GSK3B: variants seen among roughly 807,000 people sequenced by gnomAD.
GSK3B encodes the protein glycogen synthase kinase 3 beta.
GSK3B carries 15 observed loss-of-function variants against 56.4 expected under a neutral mutation model. The ratio of observed to expected loss-of-function variants is 0.27; its 90% CI spans 0.18 to 0.41. The LOEUF is 0.41. Ranked by LOEUF, GSK3B falls within the 10% of genes least tolerant of loss-of-function variation. The probability of loss-of-function intolerance (pLI) is 1.00; values close to 1 mark genes in which losing one functional copy is unlikely to be tolerated. For missense variants in GSK3B, 300 were observed against 513.4 expected, an observed-to-expected ratio of 0.58 and a Z score of 4.02; for synonymous variants, 181 against 188.9, an observed-to-expected ratio of 0.96 and a Z score of 0.34.
intron 1 of GSK3B, among the ~76,000 whole-genome samples, chr3:120,052,099 G>A (rs2058155246): frequency 6.6e-6 from 1 of 152,146 alleles, no homozygotes; most frequent in Admixed American, 6.5e-5. Flanking sequence ...ATCTGTGGGT[G>A]TTAGAGAAGT....
chr3:120,078,373 A>G (rs1404668876), intron 1 of GSK3B, among the ~76,000 whole-genome samples: 1 of 152,174 alleles, frequency 6.6e-6, no homozygotes, highest in Non-Finnish European at 1.5e-5. Context: ...ACAGTGCCGG[A>G]AGACAATCTC....
chr3:119,890,367 C>CA (rs2056488142), intron 7 of GSK3B, among the ~76,000 whole-genome samples: 1 of 151,602 alleles, frequency 6.6e-6, no homozygotes, highest in Admixed American at 6.6e-5. Context: ...TGGTACTGAG[C>CA]AAAAAAAGCC....
At chr3:120,048,956 C>G (rs1007840152) in intron 1 of GSK3B, among the ~76,000 whole-genome samples, 4 of 152,086 alleles carry the variant, frequency 2.6e-5, no homozygotes, top group Admixed American at 2.6e-4. Context: ...AATCAAATTC[C>G]CAAGTACAGA....
intron 10 of GSK3B, among the ~76,000 whole-genome samples, chr3:119,831,561 G>A (rs890245413): frequency 7.2e-5 from 11 of 151,820 alleles, no homozygotes; most frequent in Non-Finnish European, 1.5e-4. Flanking sequence ...GGAGGCTGAG[G>A]CAGGAGAATG....
At chr3:120,019,031 T>G (rs531316356) in intron 1 of GSK3B, among the ~76,000 whole-genome samples, 1 of 152,248 alleles carries the variant, frequency 6.6e-6, no homozygotes, top group South Asian at 2.1e-4. Context: ...GCATGGTTTT[T>G]CTAATCAATA....
intron 3 of GSK3B, among the ~76,000 whole-genome samples, chr3:119,925,461 T>C (rs1361531877): frequency 6.6e-6 from 1 of 152,204 alleles, no homozygotes; most frequent in Non-Finnish European, 1.5e-5. Flanking sequence ...ATGACCTTGC[T>C]TGCATCACTA....
chr3:120,010,769 T>C (rs939462077), intron 1 of GSK3B, among the ~76,000 whole-genome samples: 8 of 151,938 alleles, frequency 5.3e-5, no homozygotes, highest in Admixed American at 1.3e-4. Flanking sequence ...AATAAATAAA[T>C]AAATAAATAA....
intron 1 of GSK3B, among the ~76,000 whole-genome samples, chr3:120,025,277 G>A (rs2057913270): frequency 6.6e-6 from 1 of 152,184 alleles, no homozygotes; most frequent in Non-Finnish European, 1.5e-5. Flanking sequence ...TCAGGAGGCG[G>A]AAGTTGCAAT....
intron 2 of GSK3B, among the ~76,000 whole-genome samples, chr3:119,958,267 T>C (rs371328616): frequency 2.0e-5 from 3 of 152,240 alleles, no homozygotes; most frequent in South Asian, 2.1e-4. Context: ...CAATTAAACA[T>C]CTTTCCTTTA....
chr3:120,067,486 C>T (rs186908175), intron 1 of GSK3B, among the ~76,000 whole-genome samples: 4 of 152,198 alleles, frequency 2.6e-5, no homozygotes, highest in Non-Finnish European at 5.9e-5. Context: ...TAACACAAAG[C>T]CCTGACATAA....
chr3:119,858,540 C>T (rs755437074), intron 9 of GSK3B, among the ~76,000 whole-genome samples: 2 of 152,204 alleles, frequency 1.3e-5, no homozygotes, highest in Non-Finnish European at 2.9e-5. Flanking sequence ...GACATTAGGG[C>T]CTTGCTCTGG....
At position 120,093,415 on chromosome 3, in the gene GSK3B, G is replaced by C; in HGVS notation, c.20C>G (p.Thr7Ser). MSGRPR[T>S]TSFAESCKPV... is the part of the protein sequence containing the mutation. ...CTTGCAGCTCTCCGCAAAGGAGGTGGTTCTGGGCCGCCCTGACATGATCAC... is the reference window on the plus strand; with the variant it reads ...CTTGCAGCTCTCCGCAAAGGAGGTGCTTCTGGGCCGCCCTGACATGATCAC... Residue 7 changes from threonine (T) to serine (S), a missense_variant, in exon 1 of 11, where the codon ACC (threonine) becomes AGC (serine). This residue lies in a region of GSK3B where 53 missense variants were observed against 64.6 expected (regional missense o/e 0.82). Transcript: ENST00000264235. 6.2e-7 allele frequency: 1 copy of C among 1,613,128 alleles called. No individual in the cohort carries two copies. Among genetic ancestry groups the C allele is most frequent in the Non-Finnish European group, 8.5e-7 (1 of 1,179,100 alleles).
At chr3:120,042,938 T>A (rs1301092489) in intron 1 of GSK3B, among the ~76,000 whole-genome samples, 2 of 152,258 alleles carry the variant, frequency 1.3e-5, no homozygotes, top group Admixed American at 6.5e-5. Flanking sequence ...CTTTATGAGA[T>A]GGCTCTACAG....
chr3:119,872,744 T>A (rs1022192909), intron 8 of GSK3B, among the ~76,000 whole-genome samples: 2 of 152,126 alleles, frequency 1.3e-5, no homozygotes, highest in African/African-American at 4.8e-5. Context: ...ATATGTATAT[T>A]ATGGCTGTAT....
chr3:119,833,266 A>T (rs2055632830), intron 10 of GSK3B, among the ~76,000 whole-genome samples: 1 of 152,150 alleles, frequency 6.6e-6, no homozygotes, highest in African/African-American at 2.4e-5. Flanking sequence ...AAAAGAGAGT[A>T]GAAAACAAGG....
intron 3 of GSK3B, among the ~76,000 whole-genome samples, chr3:119,942,669 C>G (rs555083227): frequency 6.6e-6 from 1 of 152,178 alleles, no homozygotes; most frequent in East Asian, 1.9e-4. Context: ...TCATCTGATC[C>G]CACACCTTAG....
chr3:119,882,309 C>G lies in GSK3B; in HGVS notation c.814-5801G>C, dbSNP rs144073784. 3.4e-3 allele frequency among the ~76,000 whole-genome samples: 521 copies of G among 152,036 alleles called. 1 individual carries two copies. The highest frequency in any genetic ancestry group is 0.012 in the African/African-American group (488 of 41,480). On this transcript the variant is annotated intron_variant, in intron 7 of 10. Coordinates refer to ENST00000264235, the MANE Select transcript of GSK3B (RefSeq NM_001146156.2). ...ATTTAAGGTATACCATGTGTGTGTA[C>G]TCACTCTCACATCCTTCTCCCTAAA...
chr3:119,980,291 G>T (rs925147938), intron 2 of GSK3B, among the ~76,000 whole-genome samples: 7 of 151,944 alleles, frequency 4.6e-5, no homozygotes, highest in African/African-American at 1.7e-4. Flanking sequence ...ATACTGTAAG[G>T]TGTCAACATT....
At chr3:119,868,297 AAACT>A (rs1385648628) in intron 8 of GSK3B, among the ~76,000 whole-genome samples, 10 of 152,210 alleles carry the variant, frequency 6.6e-5, no homozygotes, top group African/African-American at 2.4e-4. Context: ...CCCATAGAAG[AAACT>A]AACAGAAAAA....
Sources: gnomAD v4.1 joint callset for allele counts (sites outside exome capture counted in the v4.1 genomes callset) on GRCh38, gnomAD v4.1.1 for gene constraint, gnomAD v4.1.1 regional missense constraint, MANE v1.5 for transcripts, NCBI Gene and HGNC (gene_info 2026-07-23, HGNC 2026-07-21) for gene names.